Variants in SGK1 observed in about 807,000 individuals in gnomAD.
SGK1 encodes serum/glucocorticoid regulated kinase 1.
SGK1 carries 26 observed loss-of-function variants against 64.2 expected under a neutral mutation model. The ratio of observed to expected loss-of-function variants is 0.40; its 90% confidence interval spans 0.30 to 0.56. The LOEUF is 0.56. Among genes scored for constraint, SGK1 ranks in the 20% least tolerant of loss-of-function variants. The pLI is 0.38. For missense variants in SGK1, 519 were observed against 645.6 expected (o/e 0.80, Z 2.12); for synonymous variants, 265 against 239.7 (o/e 1.11, Z -0.98).
At chr6:134,267,163 C>A (rs922048782) in intron 1 of SGK1, among the ~76,000 whole-genome samples, 4 of 151,978 alleles carry the variant, frequency 2.6e-5, no homozygotes, top group African/African-American at 7.2e-5. Flanking sequence ...TTATGGCCAA[C>A]AAAATAAAAT....
Position 134,267,409 on chromosome 6 carries a change from C to T in SGK1, c.70-5261G>A, listed in dbSNP as rs188227955. Among the ~76,000 whole-genome samples, 43 of 152,042 alleles carry T rather than the reference C, an allele frequency of 2.8e-4. No homozygotes were observed. In the South Asian group the frequency reaches 6.6e-3, roughly 23 times the overall value. ...AGCTCCTAGGCTCAAGCTATCCTCTCGCCTCAGCCTCCCAGTTACCTGGGA... is the reference window on the plus strand; with the variant it reads ...AGCTCCTAGGCTCAAGCTATCCTCTTGCCTCAGCCTCCCAGTTACCTGGGA... On this transcript the variant is annotated intron_variant, in intron 1 of 13. Transcript: ENST00000367858.
At chr6:134,227,575 A>G (rs1776204750) in intron 2 of SGK1, among the ~76,000 whole-genome samples, 1 of 152,258 alleles carries the variant, frequency 6.6e-6, no homozygotes, top group African/African-American at 2.4e-5. Flanking sequence ...GCTGGCTGAG[A>G]CAAAAGATTA....
At chr6:134,247,922 A>G (rs990202189) in intron 2 of SGK1, among the ~76,000 whole-genome samples, 6 of 152,156 alleles carry the variant, frequency 3.9e-5, no homozygotes, top group African/African-American at 4.8e-5. Context: ...CCAATCCATT[A>G]TGCAACATCA....
intron 2 of SGK1, among the ~76,000 whole-genome samples, chr6:134,238,348 A>G (rs992914076): frequency 2.0e-5 from 3 of 152,192 alleles, no homozygotes; most frequent in Non-Finnish European, 2.9e-5. Context: ...AGATATAAAA[A>G]GTGCTTTTAA....
chr6:134,302,022 T>C (rs1444556230), intron 1 of SGK1, among the ~76,000 whole-genome samples: 1 of 152,214 alleles, frequency 6.6e-6, no homozygotes, highest in Non-Finnish European at 1.5e-5. Flanking sequence ...TTTGAGGCCT[T>C]AATGAGAAAT....
intron 2 of SGK1, among the ~76,000 whole-genome samples, chr6:134,251,388 T>C (rs1024115256): frequency 1.4e-4 from 21 of 152,298 alleles, no homozygotes; most frequent in African/African-American, 4.8e-4. Flanking sequence ...AATAGCCATA[T>C]GGTTTCTGGG....
At chr6:134,232,416 A>AG in intron 2 of SGK1, among the ~76,000 whole-genome samples, 1 of 2,876 alleles carries the variant, frequency 3.5e-4, no homozygotes. Flanking sequence ...AAAGAAAGAG[A>AG]AAGAAAGAAA....
intron 3 of SGK1, among the ~76,000 whole-genome samples, chr6:134,182,987 A>G (rs1178222002): frequency 1.3e-5 from 2 of 152,246 alleles, no homozygotes; most frequent in African/African-American, 4.8e-5. Flanking sequence ...AGGCAAATAT[A>G]GACCTATTGA....
chr6:134,308,493 T>A (rs958132897), intron 1 of SGK1, among the ~76,000 whole-genome samples: 4 of 152,176 alleles, frequency 2.6e-5, no homozygotes, highest in Non-Finnish European at 5.9e-5. Context: ...GATAGCAAGA[T>A]GTTCCTTAAG....
chr6:134,268,293 G>A (rs1315522772), intron 1 of SGK1, among the ~76,000 whole-genome samples: 2 of 152,194 alleles, frequency 1.3e-5, no homozygotes, highest in African/African-American at 4.8e-5. Context: ...ACGAATGCCC[G>A]GATGCCAGCG....
intron 1 of SGK1, among the ~76,000 whole-genome samples, chr6:134,273,462 G>A (rs940851024): frequency 6.7e-6 from 1 of 149,072 alleles, no homozygotes; most frequent in Non-Finnish European, 1.5e-5. Context: ...GCGTAGTGGT[G>A]GGCGCCTGTA....
At chr6:134,242,759 C>G (rs1446148041) in intron 2 of SGK1, among the ~76,000 whole-genome samples, 1 of 151,992 alleles carries the variant, frequency 6.6e-6, no homozygotes, top group African/African-American at 2.4e-5. Flanking sequence ...GCCACTGTGC[C>G]CATCCTAGAA....
intron 3 of SGK1, chr6:134,175,559 G>A (rs1256929347): frequency 1.3e-6 from 2 of 1,553,784 alleles, no homozygotes; most frequent in Admixed American, 1.9e-5. Context: ...CCGCTCAGCA[G>A]GAAGGACTCG....
intron 3 of SGK1, among the ~76,000 whole-genome samples, chr6:134,178,531 C>T (rs1775282971): frequency 6.6e-6 from 1 of 152,228 alleles, no homozygotes; most frequent in South Asian, 2.1e-4. Context: ...CTTCCTGTCG[C>T]CAGCCTCTTT....
chr6:134,189,889 AC>A (rs1775480870), intron 3 of SGK1, among the ~76,000 whole-genome samples: 1 of 152,074 alleles, frequency 6.6e-6, no homozygotes. Context: ...TCACTCTGTC[AC>A]CCAGGCTGGA....
intron 1 of SGK1, among the ~76,000 whole-genome samples, chr6:134,285,222 G>A (rs1401662020): frequency 6.6e-6 from 1 of 152,124 alleles, no homozygotes; most frequent in Non-Finnish European, 1.5e-5. Context: ...ACTTTGGGAG[G>A]CCGAGGTGGG....
chr6:134,296,113 G>A (rs974786961), intron 1 of SGK1, among the ~76,000 whole-genome samples: 4 of 152,184 alleles, frequency 2.6e-5, no homozygotes, highest in South Asian at 2.1e-4. Context: ...ATCAGTCGAC[G>A]TGAGTCTTCT....
chr6:134,262,215 G>A, intron 1 of SGK1, 67 bp from the exon 2 acceptor site: 1 of 1,224,774 alleles, frequency 8.2e-7, no homozygotes, highest in Non-Finnish European at 1.1e-6. Flanking sequence ...TTGGGGATTT[G>A]GTGGGAAATC....
At chr6:134,296,794 A>C (rs1471115850) in intron 1 of SGK1, among the ~76,000 whole-genome samples, 2 of 151,002 alleles carry the variant, frequency 1.3e-5, no homozygotes, top group South Asian at 4.2e-4. Flanking sequence ...AAAAAAAAAA[A>C]AAAACAGTTG....
Sources: allele counts gnomAD v4.1 joint callset (sites outside exome capture counted in the v4.1 genomes callset), GRCh38; gene constraint gnomAD v4.1.1; transcripts MANE v1.5; gene names NCBI Gene and HGNC (gene_info 2026-07-23, HGNC 2026-07-21).